TENM4: variants seen among roughly 807,000 people sequenced by gnomAD.
TENM4 encodes teneurin transmembrane protein 4.
In TENM4, 82 loss-of-function variants were observed where a neutral mutation model predicts 243.3. The observed-to-expected ratio is 0.34, with a 90% CI of 0.28 to 0.40. TENM4 has a LOEUF of 0.40. TENM4 is among the 10% of genes least tolerant of loss of function. The probability of loss-of-function intolerance (pLI) is 1.00; values close to 1 mark genes in which losing one functional copy is unlikely to be tolerated. For missense variants in TENM4, 3,138 were observed against 3,673.3 expected (o/e 0.85, Z 3.77); for synonymous variants, 1,412 against 1,456.3 (o/e 0.97, Z 0.69).
At chr11:78,931,775 C>T (rs1370378101) in intron 6 of TENM4, among the ~76,000 whole-genome samples, 1 of 152,148 alleles carries the variant, frequency 6.6e-6, no homozygotes, top group African/African-American at 2.4e-5. Context: ...GGTGTGAATT[C>T]AATTCTTTAG....
At chr11:78,900,003 C>G (rs1316599982) in intron 7 of TENM4, among the ~76,000 whole-genome samples, 1 of 152,226 alleles carries the variant, frequency 6.6e-6, no homozygotes, top group Non-Finnish European at 1.5e-5. Context: ...CCAGCCATCC[C>G]CCCACAAGAT....
At chr11:79,342,929 G>C (rs1857265046) in intron 1 of TENM4, among the ~76,000 whole-genome samples, 1 of 152,234 alleles carries the variant, frequency 6.6e-6, no homozygotes. Flanking sequence ...GTCCAAAACT[G>C]GGCCTCTGGG....
In TENM4 at chr11:78,655,353, T is replaced by C. The variant is rs12270196; in HGVS notation, c.*2705A>G. 0.048 allele frequency: 7,249 copies of C among 152,100 alleles called. 582 individuals are homozygous for C. Among genetic ancestry groups the C allele is most frequent in the African/African-American group, 0.16 (6,834 of 41,442 alleles). 9.4% of individuals were successfully genotyped at this position (152,100 alleles called of 1,614,324 possible). A position where few individuals can be genotyped will look rare whatever the true frequency, so the allele number is the denominator to read the frequency against. On this transcript the variant is annotated 3_prime_UTR_variant, in exon 34 of 34. Coordinates refer to ENST00000278550, the MANE Select transcript of TENM4 (RefSeq NM_001098816.3). ...CAGAAGCTGGGCTGCTGTGGTGGTA[T>C]GTAGCACAGGAAAAATATAAGATCC...
At position 78,878,007 on chromosome 11, in the gene TENM4, G is replaced by A. The variant is rs572941827; in HGVS notation, c.1084+11778C>T. Among the ~76,000 whole-genome samples, 7 of 152,152 alleles carry A rather than the reference G, an allele frequency of 4.6e-5. No homozygotes were observed. The South Asian group carries it at 1.0e-3, about 23-fold the overall frequency. On this transcript the variant is annotated intron_variant, in intron 9 of 33. Coordinates refer to ENST00000278550, the MANE Select transcript of TENM4 (RefSeq NM_001098816.3). ...AGCAGTTAGGGCAAAGCCAGCCTGTGCCCCGTGCCGGCTATGTTTCAGCAG... is the reference window on the plus strand; with the variant it reads ...AGCAGTTAGGGCAAAGCCAGCCTGTACCCCGTGCCGGCTATGTTTCAGCAG...
At chr11:79,278,939 G>A (rs767975206) in intron 2 of TENM4, among the ~76,000 whole-genome samples, 3 of 152,144 alleles carry the variant, frequency 2.0e-5, no homozygotes, top group South Asian at 2.1e-4. Context: ...GCACGGCCAC[G>A]TGTCCAGACC....
At chr11:78,892,189 T>C (rs1855683923) in intron 7 of TENM4, among the ~76,000 whole-genome samples, 1 of 152,230 alleles carries the variant, frequency 6.6e-6, no homozygotes, top group African/African-American at 2.4e-5. Flanking sequence ...AAGACAGACA[T>C]ACTTGCCCTT....
At chr11:79,360,692 A>G (rs1484750066) in intron 1 of TENM4, among the ~76,000 whole-genome samples, 2 of 152,240 alleles carry the variant, frequency 1.3e-5, no homozygotes, top group Non-Finnish European at 2.9e-5. Context: ...CGTGTGAATT[A>G]CCAATTCTCT....
chr11:78,807,373 T>C (rs1857411042), intron 14 of TENM4, among the ~76,000 whole-genome samples: 1 of 152,214 alleles, frequency 6.6e-6, no homozygotes, highest in South Asian at 2.1e-4. Flanking sequence ...CTCTGTCTGA[T>C]CCTGAGGCCA....
At chr11:79,189,860 C>T (rs1486884945) in intron 3 of TENM4, among the ~76,000 whole-genome samples, 1 of 152,208 alleles carries the variant, frequency 6.6e-6, no homozygotes. Flanking sequence ...GCGCAGCCTC[C>T]GTTGATGGCC....
intron 1 of TENM4, among the ~76,000 whole-genome samples, chr11:79,326,067 G>A (rs556417279): frequency 6.6e-6 from 1 of 152,192 alleles, no homozygotes; most frequent in African/African-American, 2.4e-5. Flanking sequence ...GCAAACGTGC[G>A]CCTTATCCCA....
rs117974516 is a variant in TENM4, at chr11:79,120,160, C to T, written c.-66+28550G>A. Among the ~76,000 whole-genome samples the T allele has an allele frequency of 1.6e-3, 240 of 152,266 alleles. 2 individuals carry two copies. The highest frequency in any genetic ancestry group is 5.5e-3 in the Admixed American group (84 of 15,286). On this transcript the variant is annotated intron_variant, in intron 4 of 33. Transcript: ENST00000278550. The stretch of plus-strand genomic sequence containing the variant: ...AGAGGGAGTGCTTGTCTATTGTCAA[C>T]GCAGGACAGCTGAAAGGACTTCAGT...
chr11:79,100,315 G>A (rs12789345), intron 4 of TENM4, among the ~76,000 whole-genome samples: 54,961 of 151,854 alleles, frequency 0.36, 11,957 homozygotes, highest in Non-Finnish European at 0.5. Flanking sequence ...GTAACTACAG[G>A]TGTGAGTACC....
chr11:78,858,891 TGAGCTCC>T (rs1330558547), intron 10 of TENM4, among the ~76,000 whole-genome samples: 1 of 152,206 alleles, frequency 6.6e-6, no homozygotes, highest in African/African-American at 2.4e-5. Flanking sequence ...TTCCACTTGA[TGAGCTCC>T]AAGCACAGTG....
At chr11:79,266,300 A>C (rs900747371) in intron 2 of TENM4, among the ~76,000 whole-genome samples, 2 of 152,196 alleles carry the variant, frequency 1.3e-5, no homozygotes, top group African/African-American at 4.8e-5. Flanking sequence ...ATACCTACTA[A>C]GTGTCAACCA....
At chr11:78,769,744 G>T (rs997157619) in intron 18 of TENM4, among the ~76,000 whole-genome samples, 2 of 152,206 alleles carry the variant, frequency 1.3e-5, no homozygotes, top group Admixed American at 1.3e-4. Context: ...CCCAGGCCTG[G>T]GTACATCAGG....
At position 79,366,400 on chromosome 11, in the gene TENM4, T is replaced by C. The variant is rs75279132; in HGVS notation, c.-320-68857A>G. On this transcript the variant is annotated intron_variant, in intron 1 of 33. Coordinates refer to ENST00000278550, the MANE Select transcript of TENM4 (RefSeq NM_001098816.3). ...GTGCGTCATAGGTGTGTGTTCCTTA[T>C]GCAACTGCTACTATACAGTTTGTAG... is the stretch of plus-strand genomic sequence containing the variant. Among the ~76,000 whole-genome samples the C allele has an allele frequency of 5.2e-3, 790 of 152,366 alleles. 9 individuals are homozygous for C. The highest frequency in any genetic ancestry group is 0.018 in the African/African-American group (753 of 41,588).
At position 78,896,513 on chromosome 11, in the gene TENM4, C is replaced by G. The variant is rs923411728; in HGVS notation, c.750-5177G>C. Among the ~76,000 whole-genome samples the G allele has an allele frequency of 4.6e-5, 7 of 152,276 alleles. No homozygotes were observed. In the South Asian group the frequency reaches 1.5e-3, roughly 32 times the overall value. On this transcript the variant is annotated intron_variant, in intron 7 of 33. Transcript: ENST00000278550. ...GCCTCCAGGCCCACAGGGAAAAGTA[C>G]AACCTCCTTTTCATGTAGCCCAAGA...
intron 6 of TENM4, among the ~76,000 whole-genome samples, chr11:78,936,588 G>A (rs1346378885): frequency 3.3e-5 from 5 of 152,150 alleles, no homozygotes; most frequent in African/African-American, 1.2e-4. Flanking sequence ...TATGTGCCTA[G>A]CACTTTTCTG....
chr11:78,707,091 A>G (rs1363970331), intron 27 of TENM4, among the ~76,000 whole-genome samples: 1 of 152,222 alleles, frequency 6.6e-6, no homozygotes, highest in Non-Finnish European at 1.5e-5. Context: ...AGAGGTAGGC[A>G]TGACCAGAAA....
Sources: gnomAD v4.1 joint callset for allele counts (sites outside exome capture counted in the v4.1 genomes callset) on GRCh38, gnomAD v4.1.1 for gene constraint, MANE v1.5 for transcripts, NCBI Gene and HGNC (gene_info 2026-07-23, HGNC 2026-07-21) for gene names.